PLLP: variants seen among roughly 807,000 people sequenced by gnomAD.
The protein encoded by PLLP is plasmolipin.
PLLP carries 15 observed loss-of-function variants against 19.7 expected under a neutral mutation model. The ratio of observed to expected loss-of-function variants is 0.76; its 90% CI spans 0.51 to 1.17. The LOEUF (loss-of-function observed/expected upper bound fraction) is 1.17, where lower values mean the gene tolerates loss of function less well. Ranked by LOEUF, PLLP falls within the 50% of genes most tolerant of loss-of-function variation. The pLI is 0.00. For synonymous variants in PLLP, 111 were observed against 116.3 expected, an observed-to-expected ratio of 0.95 and a Z score of 0.29; for missense variants, 255 against 258.3, an observed-to-expected ratio of 0.99 and a Z score of 0.09.
At chr16:57,271,555 G>A (rs1217507065) in intron 1 of PLLP, among the ~76,000 whole-genome samples, 1 of 151,926 alleles carries the variant, frequency 6.6e-6, no homozygotes, top group East Asian at 1.9e-4. Flanking sequence ...TGAGGCAAGA[G>A]AATTGCTTGA....
intron 1 of PLLP, among the ~76,000 whole-genome samples, chr16:57,276,758 G>A (rs891512038): frequency 4.6e-5 from 7 of 152,156 alleles, no homozygotes; most frequent in African/African-American, 1.7e-4. Context: ...CAGGAAGGGT[G>A]TGACCTCTCC....
intron 1 of PLLP, among the ~76,000 whole-genome samples, chr16:57,263,003 G>A (rs187299554): frequency 3.3e-5 from 5 of 152,242 alleles, no homozygotes; most frequent in East Asian, 1.9e-4. Flanking sequence ...TCACAGCTAC[G>A]TCCCCACACC....
At chr16:57,272,041 G>A (rs1221531933) in intron 1 of PLLP, among the ~76,000 whole-genome samples, 1 of 152,148 alleles carries the variant, frequency 6.6e-6, no homozygotes, top group Non-Finnish European at 1.5e-5. Flanking sequence ...GTCCCAGGTG[G>A]AGCCCTGCAT....
At chr16:57,274,094 C>T (rs559317418) in intron 1 of PLLP, among the ~76,000 whole-genome samples, 2 of 151,912 alleles carry the variant, frequency 1.3e-5, no homozygotes, top group Non-Finnish European at 2.9e-5. Flanking sequence ...CTCAAGCAAT[C>T]CTCCCACCTC....
intron 1 of PLLP, among the ~76,000 whole-genome samples, chr16:57,273,026 G>A (rs999175551): frequency 5.3e-5 from 8 of 152,006 alleles, no homozygotes; most frequent in Admixed American, 3.9e-4. Context: ...TTGGGAGGCC[G>A]GGCGGGTGGA....
intron 1 of PLLP, among the ~76,000 whole-genome samples, chr16:57,282,182 C>T (rs1901227760): frequency 6.6e-6 from 1 of 152,060 alleles, no homozygotes; most frequent in South Asian, 2.1e-4. Context: ...CAATGCCTTC[C>T]ATTCCCCCTA....
intron 1 of PLLP, among the ~76,000 whole-genome samples, chr16:57,271,401 TG>T (rs776138828): frequency 1.3e-5 from 2 of 152,050 alleles, no homozygotes; most frequent in African/African-American, 4.8e-5. Context: ...TCCAGCACTT[TG>T]GGAGGTCAAG....
At chr16:57,280,854 G>T (rs1901210900) in intron 1 of PLLP, among the ~76,000 whole-genome samples, 1 of 152,180 alleles carries the variant, frequency 6.6e-6, no homozygotes, top group South Asian at 2.1e-4. Flanking sequence ...CATCTGTGAA[G>T]AATACTGAGA....
At chr16:57,279,400 C>T (rs1901191340) in intron 1 of PLLP, among the ~76,000 whole-genome samples, 1 of 147,108 alleles carries the variant, frequency 6.8e-6, no homozygotes, top group African/African-American at 2.6e-5. Context: ...GGACTGGGTA[C>T]AGTGGCTCAC....
intron 1 of PLLP, among the ~76,000 whole-genome samples, chr16:57,280,360 G>A (rs1831686929): frequency 6.6e-6 from 1 of 152,122 alleles, no homozygotes; most frequent in African/African-American, 2.4e-5. Context: ...TTGAAAAAAT[G>A]AGAGATGGGC....
chr16:57,264,759 G>C (rs1597960596), intron 1 of PLLP, among the ~76,000 whole-genome samples: 1 of 152,300 alleles, frequency 6.6e-6, no homozygotes, highest in South Asian at 2.1e-4. Context: ...TGAGTGGGGA[G>C]GATCGCTTGA....
At chr16:57,257,170 A>G in intron 3 of PLLP, 141 bp from the exon 4 acceptor site, 1 of 647,144 alleles carries the variant, frequency 1.5e-6, no homozygotes, top group African/African-American at 1.8e-5. Flanking sequence ...GCTGTTTATC[A>G]TGGGGCTGAT....
chr16:57,261,899 C>G lies in PLLP; in HGVS notation c.307G>C (p.Val103Leu). 1 of 1,613,784 alleles carries G rather than the reference C, an allele frequency of 6.2e-7. No homozygotes were observed. Among genetic ancestry groups the G allele is most frequent in the Non-Finnish European group, 8.5e-7 (1 of 1,179,706 alleles). Residue 103 changes from valine to leucine, a missense_variant and splice_region_variant, in exon 2 of 4, where the codon GTG becomes CTG. Coordinates refer to ENST00000219207, the MANE Select transcript of PLLP (RefSeq NM_015993.3). The stretch of plus-strand genomic sequence containing the variant: ...CCAGTACCCCCACCCAGACTCACCA[C>G]CAGTGGCCAGGGAACCATGTACAAC... The part of the protein sequence containing the change: ...MKLYMVPWPL[V>L]LMIFNISATV...
intron 1 of PLLP, among the ~76,000 whole-genome samples, chr16:57,280,680 C>T (rs1901208779): frequency 6.6e-6 from 1 of 152,188 alleles, no homozygotes; most frequent in Non-Finnish European, 1.5e-5. Context: ...TAATCAACAG[C>T]CTTAAACTTG....
chr16:57,284,044 G>A (rs958775373), intron 1 of PLLP, among the ~76,000 whole-genome samples: 21 of 152,154 alleles, frequency 1.4e-4, no homozygotes, highest in African/African-American at 5.1e-4. Context: ...AGGGAGGGCT[G>A]GGAAGGGTTG....
At chr16:57,267,412 C>G (rs1238826941) in intron 1 of PLLP, among the ~76,000 whole-genome samples, 2 of 151,832 alleles carry the variant, frequency 1.3e-5, no homozygotes, top group Admixed American at 6.6e-5. Context: ...AGTAAAAATA[C>G]AAAAATTAGC....
intron 1 of PLLP, among the ~76,000 whole-genome samples, chr16:57,267,189 C>A (rs760092600): frequency 3.6e-4 from 55 of 152,132 alleles, no homozygotes; most frequent in Non-Finnish European, 6.9e-4. Flanking sequence ...GGAAGTTTTT[C>A]CTCATCTCTT....
At chr16:57,281,142 C>T (rs1901214199) in intron 1 of PLLP, among the ~76,000 whole-genome samples, 1 of 152,232 alleles carries the variant, frequency 6.6e-6, no homozygotes, top group Non-Finnish European at 1.5e-5. Context: ...CCCAGGGTCC[C>T]CACCACTCCC....
rs771314004 is a variant in PLLP at position 57,281,517 on chromosome 16, C to CTTTTTTTTTTTTTTTTTT, written c.135+2888_135+2889insAAAAAAAAAAAAAAAAAA. Among the ~76,000 whole-genome samples the CTTTTTTTTTTTTTTTTTT allele has an allele frequency of 8.5e-5, 11 of 130,140 alleles. 1 individual carries two copies. The highest frequency in any genetic ancestry group is 1.9e-4 in the African/African-American group (6 of 32,272). 85.4% of individuals were successfully genotyped at this position (130,140 alleles called of 152,430 possible). A position where few individuals can be genotyped will look rare whatever the true frequency, so the allele number is the denominator to read the frequency against. ...CAACAAGCAGATTTTTTTTTTATTT[C>CTTTTTTTTTTTTTTTTTT]TTTTTTTTTTTGAGACGGAGTCTCT... On this transcript the variant is annotated intron_variant, in intron 1 of 3. Coordinates refer to ENST00000219207, the MANE Select transcript of PLLP (RefSeq NM_015993.3).
Sources: allele counts gnomAD v4.1 joint callset (sites outside exome capture counted in the v4.1 genomes callset), GRCh38; gene constraint gnomAD v4.1.1; transcripts MANE v1.5; gene names NCBI Gene and HGNC (gene_info 2026-07-23, HGNC 2026-07-21).